KCNMA1: variants seen among roughly 807,000 people sequenced by gnomAD.
KCNMA1 encodes Calcium-activated potassium channel subunit alpha-1.
A neutral mutation model predicts 140.0 loss-of-function variants in KCNMA1; 29 were observed. The observed-to-expected ratio is 0.21, with a 90% CI of 0.15 to 0.28. The LOEUF is 0.28. Among genes scored for constraint, KCNMA1 ranks in the 10% least tolerant of loss-of-function variants. The pLI is 1.00. For missense variants in KCNMA1, 880 were observed against 1,602.2 expected (o/e 0.55, Z 7.70); for synonymous variants, 612 against 611.9 (o/e 1.00, Z 0.00).
intron 20 of KCNMA1, among the ~76,000 whole-genome samples, chr10:76,966,141 C>T (rs1251692472): frequency 6.6e-6 from 1 of 152,184 alleles, no homozygotes; most frequent in Non-Finnish European, 1.5e-5. Context: ...AAAGAACTTC[C>T]ATGACAACTT....
At chr10:77,191,319 C>T (rs1395250791) in intron 3 of KCNMA1, among the ~76,000 whole-genome samples, 1 of 152,170 alleles carries the variant, frequency 6.6e-6, no homozygotes, top group Admixed American at 6.6e-5. Context: ...GTGTGAATGA[C>T]ATGATATGAA....
At chr10:76,926,134 G>A (rs541088680) in intron 23 of KCNMA1, among the ~76,000 whole-genome samples, 1 of 152,200 alleles carries the variant, frequency 6.6e-6, no homozygotes, top group South Asian at 2.1e-4. Context: ...ATACACACAC[G>A]AATCTTCACT....
At chr10:76,928,282 C>CGT (rs2058306104) in intron 23 of KCNMA1, among the ~76,000 whole-genome samples, 4 of 83,772 alleles carry the variant, frequency 4.8e-5, no homozygotes, top group Admixed American at 1.5e-4. Context: ...CACACGAACA[C>CGT]GCGCGCGCAC....
intron 5 of KCNMA1, among the ~76,000 whole-genome samples, chr10:77,146,565 G>A (rs2098295999): frequency 1.3e-5 from 2 of 152,016 alleles, no homozygotes; most frequent in East Asian, 1.9e-4. Flanking sequence ...AGCCAGGCGT[G>A]GTGGCCTGCA....
intron 1 of KCNMA1, among the ~76,000 whole-genome samples, chr10:77,496,318 C>T (rs533791245): frequency 2.0e-5 from 3 of 152,132 alleles, no homozygotes; most frequent in African/African-American, 4.8e-5. Context: ...AGGACAGGGC[C>T]GGGCACGGTG....
At position 77,013,341 on chromosome 10, in the gene KCNMA1, T is replaced by A. The variant is rs2091285369; in HGVS notation, c.2016-1298A>T. Among the ~76,000 whole-genome samples, 3 of 152,162 alleles carry A rather than the reference T, an allele frequency of 2.0e-5. No individual in the cohort carries two copies. In the South Asian group the frequency reaches 6.2e-4, roughly 32 times the overall value. On this transcript the variant is annotated intron_variant, in intron 17 of 27. Transcript: ENST00000286628. Reference sequence around the variant, plus strand: ...GCTGGGATTCAGCCAGCCCCAGGACTTCTGAATCCAAGTCCAATGCTTGCT... The same window carrying A: ...GCTGGGATTCAGCCAGCCCCAGGACATCTGAATCCAAGTCCAATGCTTGCT...
intron 5 of KCNMA1, among the ~76,000 whole-genome samples, chr10:77,171,400 CGTGTGTGTGTGTGTGTGTGT>C (rs60927086): frequency 9.3e-5 from 12 of 129,042 alleles, no homozygotes; most frequent in African/African-American, 2.3e-4. Context: ...TGTGTGTGTG[CGTGTGTGTGTGTGTGTGTGT>C]GTGTGTGTGT....
intron 19 of KCNMA1, among the ~76,000 whole-genome samples, chr10:76,985,153 T>C: frequency 6.6e-6 from 1 of 152,228 alleles, no homozygotes; most frequent in Non-Finnish European, 1.5e-5. Flanking sequence ...CTGGTTGTAG[T>C]TTAATAATCC....
intron 9 of KCNMA1, among the ~76,000 whole-genome samples, chr10:77,094,711 A>G (rs991462343): frequency 6.6e-6 from 1 of 151,972 alleles, no homozygotes; most frequent in Non-Finnish European, 1.5e-5. Flanking sequence ...TATTTTATTT[A>G]TTTTTTAGAG....
intron 29 of KCNMA1, among the ~76,000 whole-genome samples, chr10:76,879,841 T>C (rs755485057): frequency 1.3e-5 from 2 of 152,136 alleles, no homozygotes; most frequent in African/African-American, 4.8e-5. Flanking sequence ...CAGAGAGGAG[T>C]AAAGTGTGAT....
chr10:77,553,615 A>T (rs554500616), intron 1 of KCNMA1, among the ~76,000 whole-genome samples: 2 of 152,312 alleles, frequency 1.3e-5, no homozygotes, highest in South Asian at 2.1e-4. Context: ...CCCACCTGCT[A>T]TGTCTCAGGG....
At chr10:77,012,127 A>T in intron 17 of KCNMA1, 84 bp from the exon 18 acceptor site, 1 of 1,606,242 alleles carries the variant, frequency 6.2e-7, no homozygotes, top group Non-Finnish European at 8.5e-7. Context: ...CGGTGGTGCC[A>T]AATTAATGAA....
At chr10:77,358,473 A>C (rs1339544855) in intron 2 of KCNMA1, among the ~76,000 whole-genome samples, 1 of 151,986 alleles carries the variant, frequency 6.6e-6, no homozygotes, top group African/African-American at 2.4e-5. Flanking sequence ...CCTCCCTTCT[A>C]ATACATGGCA....
chr10:77,499,956 G>C (rs1303159032), intron 1 of KCNMA1, among the ~76,000 whole-genome samples: 1 of 151,992 alleles, frequency 6.6e-6, no homozygotes, highest in African/African-American at 2.4e-5. Context: ...TGGAATGGGG[G>C]AATGAAAAGA....
intron 15 of KCNMA1, among the ~76,000 whole-genome samples, chr10:77,029,881 A>G (rs1172899858): frequency 6.6e-6 from 1 of 152,138 alleles, no homozygotes; most frequent in East Asian, 1.9e-4. Flanking sequence ...TCAGGAAATG[A>G]GGGGGGAGCA....
chr10:77,461,564 G>T (rs933077638), intron 1 of KCNMA1, among the ~76,000 whole-genome samples: 11 of 152,012 alleles, frequency 7.2e-5, no homozygotes, highest in African/African-American at 2.4e-4. Context: ...AGGAGAGTGG[G>T]GACACAGATC....
At position 76,986,213 on chromosome 10, in the gene KCNMA1, T is replaced by TAACAAC. The variant is rs924713570; in HGVS notation, c.2266+15188_2266+15193dup. ...CAAAAAGTTATTGAGATTTAATCTC[T>TAACAAC]AACAACAACAACAACAACAAAATAA... On this transcript the variant is annotated intron_variant, in intron 19 of 27. Coordinates refer to ENST00000286628, the MANE Select transcript of KCNMA1 (RefSeq NM_001161352.2). 4.6e-5 allele frequency among the ~76,000 whole-genome samples: 7 copies of TAACAAC among 152,284 alleles called. No homozygotes were observed. The East Asian group carries it at 1.4e-3, about 29-fold the overall frequency.
intron 1 of KCNMA1, among the ~76,000 whole-genome samples, chr10:77,420,745 T>A (rs1409729988): frequency 1.3e-5 from 2 of 152,160 alleles, no homozygotes; most frequent in Non-Finnish European, 2.9e-5. Flanking sequence ...GTTCTTTAGG[T>A]TGTCAGAGAA....
chr10:77,145,906 C>T (rs1337691328), intron 5 of KCNMA1, among the ~76,000 whole-genome samples: 3 of 152,096 alleles, frequency 2.0e-5, no homozygotes, highest in Admixed American at 2.0e-4. Flanking sequence ...TCAGTTTCCC[C>T]AACTATAAAA....
Sources: gnomAD v4.1 joint callset for allele counts (sites outside exome capture counted in the v4.1 genomes callset) on GRCh38, gnomAD v4.1.1 for gene constraint, MANE v1.5 for transcripts, NCBI Gene and HGNC (gene_info 2026-07-23, HGNC 2026-07-21) for gene names.